FAXC: variants seen among roughly 807,000 people sequenced by gnomAD.
FAXC encodes the protein failed axon connections homolog.
Under a neutral mutation model 41.9 loss-of-function variants are expected in FAXC, and 10 were observed. That is an observed-to-expected ratio of 0.24 (90% CI 0.15 to 0.41). The LOEUF is 0.41. FAXC is among the 10% of genes least tolerant of loss of function. FAXC has a pLI of 1.00. For missense variants in FAXC, 399 were observed against 510.9 expected (o/e 0.78, Z 2.11); for synonymous variants, 183 against 183.8 (o/e 1.00, Z 0.03).
In FAXC at chr6:99,291,714, C is replaced by T. The variant is rs200022172; in HGVS notation, c.930G>A (p.Arg310=). Residue 310 remains arginine (R), a synonymous_variant, in exon 5 of 6, where the codon CGG becomes CGA. Transcript: ENST00000389677. ...MWTLPGTRPE[R]LIKGELINLA... ...GAGTGTAGGGCTTGCCTTTGATCAG[C>T]CGTTCGGGTCTTGTCCCTGGTAAGG... 98 of 1,613,696 alleles carry T rather than the reference C, an allele frequency of 6.1e-5. No individual in the cohort carries two copies. In the East Asian group the frequency reaches 1.9e-3, roughly 32 times the overall value.
intron 4 of FAXC, among the ~76,000 whole-genome samples, chr6:99,320,729 A>C (rs571541991): frequency 6.6e-6 from 1 of 152,250 alleles, no homozygotes; most frequent in East Asian, 1.9e-4. Context: ...CCCAAATGCC[A>C]CTCACTTGGG....
intron 4 of FAXC, among the ~76,000 whole-genome samples, chr6:99,293,504 C>A (rs1771327820): frequency 6.6e-6 from 1 of 152,212 alleles, no homozygotes; most frequent in Non-Finnish European, 1.5e-5. Context: ...TTTGCACATA[C>A]AACCTTATAG....
chr6:99,333,318 C>T (rs776460938), intron 3 of FAXC, 33 bp downstream of exon 3: 8 of 1,532,884 alleles, frequency 5.2e-6, no homozygotes, highest in East Asian at 2.3e-5. Context: ...GGGCTTACTT[C>T]GAAAGGACGG....
intron 1 of FAXC, among the ~76,000 whole-genome samples, chr6:99,348,881 G>A (rs139212954): frequency 6.6e-6 from 1 of 152,210 alleles, no homozygotes; most frequent in Non-Finnish European, 1.5e-5. Flanking sequence ...AGCATTTTGG[G>A]AGACAAATGT....
Position 99,347,492 on chromosome 6 carries a change from T to C in FAXC, c.266+1615A>G, listed in dbSNP as rs147407056. ...AATAAGCATCCAGTGCTGAGGTATA[T>C]AGTCCCCTAAATGAGTTAGTAGCTA... is the stretch of plus-strand genomic sequence containing the variant. On this transcript the variant is annotated intron_variant, in intron 1 of 5. Coordinates refer to ENST00000389677, the MANE Select transcript of FAXC (RefSeq NM_032511.4). Among the ~76,000 whole-genome samples, 489 of 152,160 alleles carry C rather than the reference T, an allele frequency of 3.2e-3. 5 individuals are homozygous for C. The highest frequency in any genetic ancestry group is 0.024 in the Middle Eastern group (7 of 290).
Position 99,348,972 on chromosome 6 carries a change from G to A in FAXC, c.266+135C>T, listed in dbSNP as rs946893958. The A allele has an allele frequency of 5.0e-6, 4 of 807,594 alleles. No homozygotes were observed. The Admixed American group carries it at 9.6e-5, about 19-fold the overall frequency. 50.0% of individuals were successfully genotyped at this position (807,594 alleles called of 1,614,324 possible). A position where few individuals can be genotyped will look rare whatever the true frequency, so the allele number is the denominator to read the frequency against. ...GCCAGGTGACCACAAATGCCTTTAGGGAAAGGTAATTGCAGGGCGCTTGGG... is the reference window on the plus strand; with the variant it reads ...GCCAGGTGACCACAAATGCCTTTAGAGAAAGGTAATTGCAGGGCGCTTGGG... On this transcript the variant is annotated intron_variant, in intron 1 of 5. Transcript: ENST00000389677.
chr6:99,309,222 T>C (rs1455687955), intron 4 of FAXC, among the ~76,000 whole-genome samples: 2 of 152,114 alleles, frequency 1.3e-5, no homozygotes, highest in Non-Finnish European at 1.5e-5. Flanking sequence ...TTTTTTTTTC[T>C]TTTATTGTAA....
rs1770538418 is a variant in FAXC, at chr6:99,274,726, A to G, written c.*6438T>C. ...CACCCCTACTGAAGCAGAAGCCTTT[A>G]GCCTTATTTCTGTAAAAAACAAATC... On this transcript the variant is annotated 3_prime_UTR_variant, in exon 6 of 6. Coordinates refer to ENST00000389677, the MANE Select transcript of FAXC (RefSeq NM_032511.4). The G allele has an allele frequency of 1.3e-5, 2 of 152,240 alleles. No individual in the cohort carries two copies. Among genetic ancestry groups the G allele is most frequent in the South Asian group, 4.1e-4 (2 of 4,836 alleles). The allele number at this position is 152,240 out of a possible 1,614,324, so 9.4% of individuals were successfully genotyped here. A position where few individuals can be genotyped will look rare whatever the true frequency, so the allele number is the denominator to read the frequency against.
chr6:99,339,408 C>T (rs1773337272), intron 2 of FAXC, among the ~76,000 whole-genome samples: 1 of 152,122 alleles, frequency 6.6e-6, no homozygotes, highest in East Asian at 1.9e-4. Context: ...GGGCTTTAGC[C>T]CTCGTCCAGT....
intron 3 of FAXC, among the ~76,000 whole-genome samples, chr6:99,324,612 G>A (rs890919746): frequency 3.3e-5 from 5 of 152,058 alleles, no homozygotes; most frequent in Admixed American, 6.5e-5. Flanking sequence ...TCCGTATGGC[G>A]AGGCCAGCAG....
At position 99,282,696 on chromosome 6, in the gene FAXC, A is replaced by C. The variant is rs567834133; in HGVS notation, c.941-1243T>G. Among the ~76,000 whole-genome samples the C allele has an allele frequency of 5.1e-4, 78 of 152,314 alleles. 1 individual carries two copies. The South Asian group carries it at 0.016, about 32-fold the overall frequency. Reference sequence around the variant, plus strand: ...ATTGCTTATAAATATATGATTTGCTACTATCTCTTATAGGACATTATTACT... The same window carrying C: ...ATTGCTTATAAATATATGATTTGCTCCTATCTCTTATAGGACATTATTACT... On this transcript the variant is annotated intron_variant, in intron 5 of 5. Transcript: ENST00000389677.
rs1434850150 is a variant in FAXC, at chr6:99,272,990, C to A, written c.*8174G>T. ...TAAGACCAAATATACAGAATTTCCA[C>A]ATTTATATACAGTAGTCAACATAGT... On this transcript the variant is annotated 3_prime_UTR_variant, in exon 6 of 6. Transcript: ENST00000389677. 2 of 152,222 alleles carry A rather than the reference C, an allele frequency of 1.3e-5. No individual in the cohort carries two copies. Among genetic ancestry groups the A allele is most frequent in the Admixed American group, 1.3e-4 (2 of 15,276 alleles). 9.4% of individuals were successfully genotyped at this position (152,222 alleles called of 1,614,324 possible).
rs183146511 is a variant in FAXC at position 99,318,236 on chromosome 6, G to A, written c.823+5208C>T. ...ACGGCGCCACTGCACTCCAGCCTGG[G>A]CGACAGAGCAAGACTCCGTCTCAAA... On this transcript the variant is annotated intron_variant, in intron 4 of 5. Coordinates refer to ENST00000389677, the MANE Select transcript of FAXC (RefSeq NM_032511.4). Among the ~76,000 whole-genome samples, 1,348 of 149,550 alleles carry A rather than the reference G, an allele frequency of 9.0e-3. 12 individuals are homozygous for A. The highest frequency in any genetic ancestry group is 0.021 in the Middle Eastern group (6 of 286).
intron 3 of FAXC, among the ~76,000 whole-genome samples, chr6:99,328,381 G>C (rs1247173951): frequency 6.6e-6 from 1 of 152,162 alleles, no homozygotes; most frequent in African/African-American, 2.4e-5. Flanking sequence ...CACCATATGA[G>C]GTTACAGTGA....
rs1345917767 is a variant in FAXC at position 99,333,490 on chromosome 6, GATT to G, written c.457_459del (p.Asn153del). The G allele has an allele frequency of 6.2e-7, 1 of 1,614,022 alleles. No homozygotes were observed. The highest frequency in any genetic ancestry group is 8.5e-7 in the Non-Finnish European group (1 of 1,179,980). ...AATTCTGTGCCAGAAACTTTTTCATGATTATATTCAATCCAAGGCATTTTCCCT... is the reference window on the plus strand; with the variant it reads ...AATTCTGTGCCAGAAACTTTTTCATGATATTCAATCCAAGGCATTTTCCCT... On this transcript the variant is annotated inframe_deletion, in exon 3 of 6. Transcript: ENST00000389677.
At position 99,349,362 on chromosome 6, in the gene FAXC, C is replaced by G. The variant is rs1773711557; in HGVS notation, c.11G>C (p.Gly4Ala). 1 of 1,610,976 alleles carries G rather than the reference C, an allele frequency of 6.2e-7. No individual in the cohort carries two copies. The highest frequency in any genetic ancestry group is 8.5e-7 in the Non-Finnish European group (1 of 1,179,198). The change falls in exon 1 of 6, where the codon GGG becomes GCG. Residue 4 changes from glycine (G) to alanine (A), a missense_variant. Coordinates refer to ENST00000389677, the MANE Select transcript of FAXC (RefSeq NM_032511.4). MHW[G>A]VGFASSRPCV... is the part of the protein sequence containing the mutation. ...CGGCCTGGACGAAGCAAAGCCAACC[C>G]CCCAGTGCATGCTGCGCGGCTGGCT...
chr6:99,290,843 G>C (rs1258496301), intron 5 of FAXC, among the ~76,000 whole-genome samples: 1 of 149,216 alleles, frequency 6.7e-6, no homozygotes, highest in East Asian at 2.0e-4. Context: ...ACGGAGTCTT[G>C]CTCTGTCGCC....
intron 1 of FAXC, among the ~76,000 whole-genome samples, chr6:99,346,806 C>G (rs1773613332): frequency 6.6e-6 from 1 of 152,170 alleles, no homozygotes; most frequent in South Asian, 2.1e-4. Flanking sequence ...TGCTTAACCT[C>G]CCTGAGCTGC....
At position 99,342,913 on chromosome 6, in the gene FAXC, A is replaced by G; in HGVS notation, c.387T>C (p.Ala129=). The change falls in exon 2 of 6, where the codon GCT becomes GCC. Residue 129 remains alanine (A), a synonymous_variant. Coordinates refer to ENST00000389677, the MANE Select transcript of FAXC (RefSeq NM_032511.4). ...CLKMETYLRM[A]DLPYQNYFGG... is the part of the protein sequence containing the mutation. ...ACACAAGTACCTGATACGGTAAGTC[A>G]GCCATCCTTAAATAAGTTTCCATCT... 6.2e-7 allele frequency: 1 copy of G among 1,607,782 alleles called. No homozygotes were observed. The highest frequency in any genetic ancestry group is 8.5e-7 in the Non-Finnish European group (1 of 1,178,238).
Sources: gnomAD v4.1 joint callset for allele counts (sites outside exome capture counted in the v4.1 genomes callset) on GRCh38, gnomAD v4.1.1 for gene constraint, MANE v1.5 for transcripts, NCBI Gene and HGNC (gene_info 2026-07-23, HGNC 2026-07-21) for gene names.